Variants in SDK2 observed in about 807,000 individuals in gnomAD.
SDK2 encodes the protein protein sidekick-2.
Under a neutral mutation model 253.9 loss-of-function variants are expected in SDK2, and 105 were observed. That is an observed-to-expected ratio of 0.41 (90% confidence interval 0.35 to 0.49). SDK2 has a LOEUF of 0.49. Among genes scored for constraint, SDK2 ranks in the 20% least tolerant of loss-of-function variants. SDK2 has a pLI of 0.06. For missense variants in SDK2, 2,608 were observed against 3,003.0 expected (o/e 0.87, Z 3.07); for synonymous variants, 1,249 against 1,234.9 (o/e 1.01, Z -0.24).
intron 43 of SDK2, 66 bp from the exon 44 acceptor site, chr17:73,348,791 G>T: frequency 7.1e-7 from 1 of 1,413,420 alleles, no homozygotes; most frequent in East Asian, 2.3e-5. Context: ...CTGGCCTAGG[G>T]AGACCACAGT....
chr17:73,504,867 G>A (rs1386989229), intron 2 of SDK2, among the ~76,000 whole-genome samples: 2 of 152,132 alleles, frequency 1.3e-5, no homozygotes, highest in African/African-American at 2.4e-5. Flanking sequence ...ATGCCAGCAG[G>A]AGCAGATCAG....
chr17:73,362,022 T>C (rs1436042147), intron 38 of SDK2, among the ~76,000 whole-genome samples, 177 bp from the exon 39 acceptor site: 1 of 152,152 alleles, frequency 6.6e-6, no homozygotes, highest in Non-Finnish European at 1.5e-5. Context: ...CATGCTGTGT[T>C]TCTCACAGCA....
At chr17:73,458,643 G>A (rs1423957723) in intron 3 of SDK2, among the ~76,000 whole-genome samples, 1 of 152,146 alleles carries the variant, frequency 6.6e-6, no homozygotes, top group Non-Finnish European at 1.5e-5. Context: ...ACAGTCTGTT[G>A]GGCATTTCTC....
chr17:73,397,722 C>T (rs1303926118), intron 24 of SDK2, among the ~76,000 whole-genome samples: 2 of 152,206 alleles, frequency 1.3e-5, no homozygotes, highest in Admixed American at 1.3e-4. Flanking sequence ...CCTCTCTGAG[C>T]CTCAGTTTTC....
chr17:73,545,127 A>ACACACACACACACACACACACACACACAC (rs1555601159), intron 1 of SDK2, among the ~76,000 whole-genome samples: 8 of 151,168 alleles, frequency 5.3e-5, no homozygotes, highest in African/African-American at 1.5e-4. Flanking sequence ...ACACACACAC[A>ACACACACACACACACACACACACACACAC]AAGTGGAGGC....
In SDK2 at chr17:73,368,445, G is replaced by A. The variant is rs1409448556; in HGVS notation, c.5129C>T (p.Pro1710Leu). The part of the protein sequence containing the change: ...VAAFNAAGDG[P>L]RSTPTQGQTQ... ...CTGGCCTTGGGTGGGGGTGCTCCGA[G>A]GCCCATCCCCAGCGGCGTTGAAGGC... is the stretch of plus-strand genomic sequence containing the variant. The change falls in exon 37 of 45, where the codon CCT (proline) becomes CTT (leucine). Residue 1710 changes from proline (P) to leucine (L), a missense_variant. This residue lies in a region of SDK2 where 1,103 missense variants were observed against 1,143.9 expected (regional missense o/e 0.96). Transcript: ENST00000392650. 3 of 1,601,494 alleles carry A rather than the reference G, an allele frequency of 1.9e-6. No individual in the cohort carries two copies.
At chr17:73,571,560 G>T (rs1465033418) in intron 1 of SDK2, among the ~76,000 whole-genome samples, 1 of 152,226 alleles carries the variant, frequency 6.6e-6, no homozygotes, top group African/African-American at 2.4e-5. Flanking sequence ...TAAGCAGCCT[G>T]TGCCTAATGA....
intron 1 of SDK2, among the ~76,000 whole-genome samples, chr17:73,591,843 C>T (rs972240831): frequency 1.3e-5 from 2 of 152,160 alleles, no homozygotes; most frequent in African/African-American, 2.4e-5. Flanking sequence ...GCAGCCATCA[C>T]GCGGCTGTCA....
rs1468444874 is a variant in SDK2 at position 73,385,374 on chromosome 17, G to T, written c.4569+473C>A. On this transcript the variant is annotated intron_variant, in intron 32 of 44. Transcript: ENST00000392650. Reference sequence around the variant, plus strand: ...CGAAGGGGGGCATTTCTCTCTACTTGCACAGTGATGATGACGGGCATAGGT... The same window carrying T: ...CGAAGGGGGGCATTTCTCTCTACTTTCACAGTGATGATGACGGGCATAGGT... 2.0e-5 allele frequency among the ~76,000 whole-genome samples: 3 copies of T among 152,140 alleles called. 1 individual carries two copies. The highest frequency in any genetic ancestry group is 2.9e-5 in the Non-Finnish European group (2 of 68,028).
In SDK2 at chr17:73,440,638, C is replaced by G. The variant is rs1377110747; in HGVS notation, c.725+174G>C. ...TCTTGGGCTACAGAGAACAAGCCAG[C>G]CCTGGTTGTACACAGCAACCCTCTG... On this transcript the variant is annotated intron_variant, in intron 6 of 44. Transcript: ENST00000392650. Among the ~76,000 whole-genome samples, 2 of 152,168 alleles carry G rather than the reference C, an allele frequency of 1.3e-5. 1 individual carries two copies. The highest frequency in any genetic ancestry group is 3.9e-4 in the East Asian group (2 of 5,180).
intron 29 of SDK2, 89 bp from the exon 30 acceptor site, chr17:73,388,126 T>C: frequency 1.1e-6 from 1 of 920,794 alleles, no homozygotes; most frequent in Non-Finnish European, 1.7e-6. Context: ...AAGGAGGTGA[T>C]CTGGGCTCAG....
chr17:73,379,359 G>GGGGGT lies in SDK2; in HGVS notation c.4865-68_4865-67insACCCC. The GGGGGT allele has an allele frequency of 3.0e-6, 2 of 656,572 alleles. No homozygotes were observed. The highest frequency in any genetic ancestry group is 5.3e-6 in the Non-Finnish European group (2 of 380,028). The allele number at this position is 656,572 out of a possible 1,614,324, so 40.7% of individuals were successfully genotyped here. On this transcript the variant is annotated intron_variant, in intron 35 of 44. Coordinates refer to ENST00000392650, the MANE Select transcript of SDK2 (RefSeq NM_001144952.2). The surrounding 1 kb of genome is among the most constrained non-coding windows in gnomAD (Gnocchi z 4.5). ...CTGGGAGGGGAGGTGGGCTGGGCGGGATGGGGAGCCCAGATCCCGTTTCTT... is the reference window on the plus strand; with the variant it reads ...CTGGGAGGGGAGGTGGGCTGGGCGGGGGGGTATGGGGAGCCCAGATCCCGTTTCTT...
At chr17:73,506,860 C>G (rs1016677824) in intron 2 of SDK2, among the ~76,000 whole-genome samples, 6 of 152,246 alleles carry the variant, frequency 3.9e-5, no homozygotes, top group African/African-American at 1.2e-4. Context: ...TCCTTCTCCC[C>G]ACCTGGCAAT....
In SDK2 at chr17:73,455,462, C is replaced by G. The variant is rs991980691; in HGVS notation, c.479+444G>C. ...CTCCGCCGCACAGCCAAGACACACACAGCCCTCACACACCAGTAAACACCC... is the reference window on the plus strand; with the variant it reads ...CTCCGCCGCACAGCCAAGACACACAGAGCCCTCACACACCAGTAAACACCC... On this transcript the variant is annotated intron_variant, in intron 4 of 44. Transcript: ENST00000392650. The surrounding 1 kb of genome is among the most constrained non-coding windows in gnomAD (Gnocchi z 5.0). Among the ~76,000 whole-genome samples, 2 of 152,146 alleles carry G rather than the reference C, an allele frequency of 1.3e-5. No homozygotes were observed. The highest frequency in any genetic ancestry group is 2.4e-5 in the African/African-American group (1 of 41,426).
chr17:73,367,810 G>A (rs1237411866), intron 37 of SDK2, among the ~76,000 whole-genome samples: 2 of 152,058 alleles, frequency 1.3e-5, no homozygotes, highest in Admixed American at 6.6e-5. Context: ...GGCCCCTGCC[G>A]GCCTCTTCTC....
At chr17:73,533,965 G>A (rs1234999287) in intron 1 of SDK2, among the ~76,000 whole-genome samples, 1 of 152,058 alleles carries the variant, frequency 6.6e-6, no homozygotes, top group Non-Finnish European at 1.5e-5. Flanking sequence ...ACACAATGCG[G>A]CAGCAGGAAA....
At chr17:73,514,959 G>A (rs1173755276) in intron 1 of SDK2, among the ~76,000 whole-genome samples, 1 of 152,152 alleles carries the variant, frequency 6.6e-6, no homozygotes, top group African/African-American at 2.4e-5. Flanking sequence ...AGAGGGAGCA[G>A]GGGCTCAGGG....
In SDK2 at chr17:73,570,469, AT is replaced by A. The variant is rs1376275877; in HGVS notation, c.65-62873del. On this transcript the variant is annotated intron_variant, in intron 1 of 44. Transcript: ENST00000392650. The surrounding 1 kb of genome is among the most constrained non-coding windows in gnomAD (Gnocchi z 4.2). ...GTGCCGCTTTGCCATTTGCCACTAGATTAGCCCAAAAATCAAAAAGAGGGGG... is the reference window on the plus strand; with the variant it reads ...GTGCCGCTTTGCCATTTGCCACTAGATAGCCCAAAAATCAAAAAGAGGGGG... 6.6e-6 allele frequency among the ~76,000 whole-genome samples: 1 copy of A among 152,052 alleles called. No homozygotes were observed. The highest frequency in any genetic ancestry group is 1.5e-5 in the Non-Finnish European group (1 of 68,008).
chr17:73,475,685 C>G (rs1466896338), intron 2 of SDK2, among the ~76,000 whole-genome samples: 1 of 152,146 alleles, frequency 6.6e-6, no homozygotes, highest in East Asian at 1.9e-4. Context: ...AAAGTAAGAG[C>G]TGGGGAGGAG....
Sources: allele counts gnomAD v4.1 joint callset (sites outside exome capture counted in the v4.1 genomes callset), GRCh38; gene constraint gnomAD v4.1.1; regional missense constraint gnomAD v4.1.1; non-coding constraint Gnocchi (gnomAD v3.1); transcripts MANE v1.5; gene names NCBI Gene and HGNC (gene_info 2026-07-23, HGNC 2026-07-21).